Variants in GUCY1A2 observed in about 807,000 individuals in gnomAD.
GUCY1A2 encodes guanylate cyclase soluble subunit alpha-2.
A neutral mutation model predicts 63.5 loss-of-function variants in GUCY1A2; 27 were observed. That is an observed-to-expected ratio of 0.43 (90% CI 0.31 to 0.59). The LOEUF (loss-of-function observed/expected upper bound fraction) is 0.59. Ranked by LOEUF, GUCY1A2 falls within the 20% of genes least tolerant of loss-of-function variation. GUCY1A2 has a pLI of 0.11. For missense variants in GUCY1A2, 768 were observed against 913.3 expected (o/e 0.84, Z 2.05); for synonymous variants, 364 against 343.5 (o/e 1.06, Z -0.66).
In GUCY1A2 at chr11:106,684,655, A is replaced by T. The variant is rs974774229; in HGVS notation, c.*2894T>A. On this transcript the variant is annotated 3_prime_UTR_variant, in exon 8 of 8. Transcript: ENST00000526355. The stretch of plus-strand genomic sequence containing the variant: ...GGTGCCTTCTTCCAAACAGCAGCTT[A>T]AAAGAATATTAAAATGCAAGAGCTA... 7.9e-5 allele frequency: 16 copies of T among 201,610 alleles called. No homozygotes were observed. The highest frequency in any genetic ancestry group is 4.8e-4 in the Admixed American group (8 of 16,630). The allele number at this position is 201,610 out of a possible 1,614,324, so 12.5% of individuals were successfully genotyped here.
intron 4 of GUCY1A2, among the ~76,000 whole-genome samples, chr11:106,855,913 A>C (rs61902979): frequency 0.064 from 5,411 of 84,558 alleles, 139 homozygotes; most frequent in Middle Eastern, 0.12. Context: ...TTATTTATTT[A>C]TTTATTTATT....
chr11:106,780,193 A>AAT (rs1413184486), intron 5 of GUCY1A2, among the ~76,000 whole-genome samples: 1 of 151,998 alleles, frequency 6.6e-6, no homozygotes, highest in African/African-American at 2.4e-5. Context: ...GTGTAAACTA[A>AAT]ATATATATAT....
chr11:106,686,928 A>G lies in GUCY1A2; in HGVS notation c.*621T>C, dbSNP rs1862535998. On this transcript the variant is annotated 3_prime_UTR_variant, in exon 8 of 8. Transcript: ENST00000526355. Reference sequence around the variant, plus strand: ...AACTATATTAGATTAATAGGTTAGCATTATATATAATATACTAACAATACA... The same window carrying G: ...AACTATATTAGATTAATAGGTTAGCGTTATATATAATATACTAACAATACA... 5.0e-6 allele frequency: 1 copy of G among 198,428 alleles called. No individual in the cohort carries two copies. The highest frequency in any genetic ancestry group is 1.9e-4 in the South Asian group (1 of 5,242). The allele number at this position is 198,428 out of a possible 1,614,324, so 12.3% of individuals were successfully genotyped here.
intron 2 of GUCY1A2, among the ~76,000 whole-genome samples, chr11:106,982,806 G>A (rs1240660694): frequency 1.3e-5 from 2 of 152,146 alleles, no homozygotes; most frequent in African/African-American, 4.8e-5. Context: ...AAAGGAAAGT[G>A]GAAAGGGATG....
chr11:106,804,682 C>T (rs1360032927), intron 5 of GUCY1A2, among the ~76,000 whole-genome samples: 1 of 152,136 alleles, frequency 6.6e-6, no homozygotes, highest in East Asian at 1.9e-4. Context: ...AGCTGTGTAG[C>T]CCTAAAACTC....
chr11:106,983,240 A>G (rs1861360825), intron 2 of GUCY1A2, among the ~76,000 whole-genome samples: 2 of 152,240 alleles, frequency 1.3e-5, no homozygotes, highest in Non-Finnish European at 2.9e-5. Context: ...AAGATTTATC[A>G]CATTGCATGA....
chr11:106,843,299 G>A (rs1181512967), intron 4 of GUCY1A2, among the ~76,000 whole-genome samples: 3 of 152,014 alleles, frequency 2.0e-5, no homozygotes, highest in African/African-American at 7.2e-5. Flanking sequence ...ATGGGGGTTG[G>A]TGAGAAATAG....
chr11:106,850,893 T>G (rs1157797015), intron 4 of GUCY1A2, among the ~76,000 whole-genome samples: 1 of 151,954 alleles, frequency 6.6e-6, no homozygotes, highest in Non-Finnish European at 1.5e-5. Context: ...GCAGTTCTAT[T>G]TATAGTTTTC....
chr11:106,709,225 TTAA>T lies in GUCY1A2; in HGVS notation c.1837-562_1837-560del, dbSNP rs1426305942. ...TATACATGTATATTATATATAGTTA[TTAA>T]TAATTGTATACTATATTGTATATAA... is the stretch of plus-strand genomic sequence containing the variant. On this transcript the variant is annotated intron_variant, in intron 6 of 7. Coordinates refer to ENST00000526355, the MANE Select transcript of GUCY1A2 (RefSeq NM_000855.3). Among the ~76,000 whole-genome samples the T allele has an allele frequency of 3.3e-5, 4 of 122,912 alleles. No individual in the cohort carries two copies. The South Asian group carries it at 9.3e-4, about 29-fold the overall frequency. 80.6% of individuals were successfully genotyped at this position (122,912 alleles called of 152,430 possible).
In GUCY1A2 at chr11:106,978,620, G is replaced by A. The variant is rs529533537; in HGVS notation, c.486C>T (p.Leu162=). The A allele has an allele frequency of 2.0e-5, 30 of 1,492,548 alleles. No individual in the cohort carries two copies. The highest frequency in any genetic ancestry group is 4.5e-5 in the East Asian group (2 of 44,132). 92.5% of individuals were successfully genotyped at this position (1,492,548 alleles called of 1,614,324 possible). A position where few individuals can be genotyped will look rare whatever the true frequency, so the allele number is the denominator to read the frequency against. Residue 162 remains leucine (L), a splice_region_variant and synonymous_variant, in exon 3 of 8, where the codon CTC becomes CTT. Transcript: ENST00000526355. ...TATAAATATATATAGTTAATATACC[G>A]AGTATATTAGCAGTACACTGAAGAA... ...SGILQCTANI[L]GLKFEEIQKR...
chr11:106,962,388 TAAA>T (rs5794509), intron 3 of GUCY1A2, among the ~76,000 whole-genome samples: 4 of 147,104 alleles, frequency 2.7e-5, no homozygotes, highest in Admixed American at 6.8e-5. Flanking sequence ...CATCTCCACT[TAAA>T]AAAAAAAAAA....
Position 106,904,758 on chromosome 11 carries a change from G to T in GUCY1A2, c.1206+34702C>A, listed in dbSNP as rs140618438. The stretch of plus-strand genomic sequence containing the variant: ...CAACTTTAATATATTCAATCTGAGA[G>T]TGAGAGCTCAAAAAAAAACAGAGAG... On this transcript the variant is annotated intron_variant, in intron 4 of 7. Transcript: ENST00000526355. 2.8e-3 allele frequency among the ~76,000 whole-genome samples: 418 copies of T among 151,756 alleles called. 1 individual carries two copies. The highest frequency in any genetic ancestry group is 9.5e-3 in the African/African-American group (393 of 41,404).
Position 106,685,348 on chromosome 11 carries a change from G to A in GUCY1A2, c.*2201C>T, listed in dbSNP as rs1288718701. 1.9e-5 allele frequency: 4 copies of A among 211,836 alleles called. No homozygotes were observed. The Admixed American group carries it at 2.4e-4, about 12-fold the overall frequency. The allele number at this position is 211,836 out of a possible 1,614,324, so 13.1% of individuals were successfully genotyped here. On this transcript the variant is annotated 3_prime_UTR_variant, in exon 8 of 8. Coordinates refer to ENST00000526355, the MANE Select transcript of GUCY1A2 (RefSeq NM_000855.3). ...ACTAGTATTGAGGTGGATTTCCAATGATGCTTTTCAAATATGCTTCCCGTA... is the reference window on the plus strand; with the variant it reads ...ACTAGTATTGAGGTGGATTTCCAATAATGCTTTTCAAATATGCTTCCCGTA...
At chr11:106,828,426 T>C (rs1375149474) in intron 4 of GUCY1A2, among the ~76,000 whole-genome samples, 4 of 152,196 alleles carry the variant, frequency 2.6e-5, no homozygotes, top group Admixed American at 2.0e-4. Context: ...GGCTAGCCAA[T>C]TTTCCCAGTA....
Position 106,940,119 on chromosome 11 carries a change from G to C in GUCY1A2, c.547C>G (p.His183Asp), listed in dbSNP as rs1350330249. The part of the protein sequence containing the change: ...FGEEFFNICF[H>D]ENERVLRAVG... The stretch of plus-strand genomic sequence containing the variant: ...GCTCGAAGGACTCTCTCATTCTCAT[G>C]AAAGCATATATTAAAGAACTCTTCA... Residue 183 changes from histidine (H) to aspartate (D), a missense_variant, in exon 4 of 8, where the codon CAT becomes GAT. By Grantham distance (81) the His-to-Asp change is moderately conservative (BLOSUM62 -1). Coordinates refer to ENST00000526355, the MANE Select transcript of GUCY1A2 (RefSeq NM_000855.3). The C allele has an allele frequency of 2.5e-5, 40 of 1,612,238 alleles. No individual in the cohort carries two copies. Among genetic ancestry groups the C allele is most frequent in the Non-Finnish European group, 3.1e-5 (37 of 1,178,702 alleles).
rs1476699420 is a variant in GUCY1A2 at position 106,724,005 on chromosome 11, AGGT to A, written c.1837-15342_1837-15340del. Among the ~76,000 whole-genome samples the A allele has an allele frequency of 2.6e-5, 4 of 152,360 alleles. No homozygotes were observed. In the East Asian group the frequency reaches 7.7e-4, roughly 29 times the overall value. ...TAATAATTTGACAGAAACTTGCTTA[AGGT>A]ATTCCTCCATTCCCGTTCAGTTTAC... On this transcript the variant is annotated intron_variant, in intron 6 of 7. Transcript: ENST00000526355.
At chr11:106,773,878 CTTTTA>C (rs1864303401) in intron 6 of GUCY1A2, among the ~76,000 whole-genome samples, 2 of 152,076 alleles carry the variant, frequency 1.3e-5, no homozygotes. Flanking sequence ...ATGTTCTAAA[CTTTTA>C]TTTTATGATT....
chr11:106,982,812 G>C (rs1215422266), intron 2 of GUCY1A2, among the ~76,000 whole-genome samples: 3 of 152,120 alleles, frequency 2.0e-5, no homozygotes, highest in Non-Finnish European at 4.4e-5. Context: ...AAGTGGAAAG[G>C]GATGAAATTA....
chr11:106,832,918 G>T (rs1438480616), intron 4 of GUCY1A2, among the ~76,000 whole-genome samples: 1 of 152,028 alleles, frequency 6.6e-6, no homozygotes, highest in African/African-American at 2.4e-5. Context: ...ATACTATTAA[G>T]CTGTCTATAT....
Sources: allele counts gnomAD v4.1 joint callset (sites outside exome capture counted in the v4.1 genomes callset), GRCh38; gene constraint gnomAD v4.1.1; transcripts MANE v1.5; gene names NCBI Gene and HGNC (gene_info 2026-07-23, HGNC 2026-07-21).